B3GLCT: variants seen among roughly 807,000 people sequenced by gnomAD.
B3GLCT encodes beta-1,3-glucosyltransferase.
B3GLCT carries 65 observed loss-of-function variants against 63.4 expected under a neutral mutation model. The observed-to-expected ratio is 1.03, with a 90% CI of 0.84 to 1.26. The LOEUF is 1.26. Ranked by LOEUF, B3GLCT falls within the 50% of genes most tolerant of loss-of-function variation. The probability of loss-of-function intolerance (pLI) is 0.00; values close to 1 mark genes in which losing one functional copy is unlikely to be tolerated. For synonymous variants in B3GLCT, 233 were observed against 219.2 expected, an observed-to-expected ratio of 1.06 and a Z score of -0.55; for missense variants, 577 against 604.8, an observed-to-expected ratio of 0.95 and a Z score of 0.48.
At chr13:31,324,713 CTTATTTATTTATTT>C (rs958094327) in intron 14 of B3GLCT, among the ~76,000 whole-genome samples, 10 of 151,722 alleles carry the variant, frequency 6.6e-5, no homozygotes, top group African/African-American at 9.7e-5. Context: ...TTTTTTATGC[CTTATTTATTTATTT>C]TTATTTATTT....
intron 12 of B3GLCT, among the ~76,000 whole-genome samples, chr13:31,294,313 T>A (rs538405601): frequency 6.6e-6 from 1 of 152,332 alleles, no homozygotes; most frequent in South Asian, 2.1e-4. Flanking sequence ...CTGATGAGTA[T>A]CTTTGTGGTG....
intron 4 of B3GLCT, among the ~76,000 whole-genome samples, chr13:31,241,362 G>A (rs1242944487): frequency 6.6e-6 from 1 of 152,202 alleles, no homozygotes; most frequent in African/African-American, 2.4e-5. Flanking sequence ...CCTCCTCTGG[G>A]TGTCTAGTGG....
At chr13:31,233,353 A>G (rs558968984) in intron 4 of B3GLCT, among the ~76,000 whole-genome samples, 1 of 152,330 alleles carries the variant, frequency 6.6e-6, no homozygotes, top group African/African-American at 2.4e-5. Flanking sequence ...AAAAAGAACC[A>G]GAAGATTCAC....
At chr13:31,241,590 T>C (rs1870945311) in intron 4 of B3GLCT, among the ~76,000 whole-genome samples, 1 of 152,196 alleles carries the variant, frequency 6.6e-6, no homozygotes, top group East Asian at 1.9e-4. Context: ...TTCCACTGGT[T>C]GAGTTGCTGT....
intron 13 of B3GLCT, among the ~76,000 whole-genome samples, chr13:31,320,401 C>G (rs1875275898): frequency 6.6e-6 from 1 of 152,136 alleles, no homozygotes; most frequent in South Asian, 2.1e-4. Context: ...AAAGTTTTGT[C>G]TTCTACCCAC....
At chr13:31,278,857 C>T (rs553428911) in intron 10 of B3GLCT, among the ~76,000 whole-genome samples, 1 of 152,290 alleles carries the variant, frequency 6.6e-6, no homozygotes, top group Admixed American at 6.5e-5. Flanking sequence ...GTTGACACTT[C>T]CTCGTGATAT....
chr13:31,289,431 A>C (rs1238945527), intron 12 of B3GLCT, among the ~76,000 whole-genome samples: 1 of 152,122 alleles, frequency 6.6e-6, no homozygotes, highest in Non-Finnish European at 1.5e-5. Context: ...AAAGGACTTC[A>C]CATGGCATAT....
intron 7 of B3GLCT, among the ~76,000 whole-genome samples, chr13:31,264,309 A>C (rs1039831583): frequency 1.3e-5 from 2 of 152,202 alleles, no homozygotes; most frequent in African/African-American, 2.4e-5. Context: ...GGAAATTCCC[A>C]GCACTTCCCC....
chr13:31,238,396 C>T (rs1870760529), intron 4 of B3GLCT, among the ~76,000 whole-genome samples: 1 of 152,156 alleles, frequency 6.6e-6, no homozygotes, highest in African/African-American at 2.4e-5. Flanking sequence ...ATTTCCATCT[C>T]CAGTTTTGAA....
At chr13:31,225,923 G>A (rs1046227885) in intron 3 of B3GLCT, among the ~76,000 whole-genome samples, 7 of 152,090 alleles carry the variant, frequency 4.6e-5, no homozygotes, top group Non-Finnish European at 7.4e-5. Context: ...TTGTCTTAAC[G>A]GATCTGCCTC....
intron 2 of B3GLCT, among the ~76,000 whole-genome samples, chr13:31,219,949 CTG>C (rs1869739120): frequency 6.6e-6 from 1 of 152,196 alleles, no homozygotes; most frequent in Non-Finnish European, 1.5e-5. Flanking sequence ...TGTGCAGACC[CTG>C]TGCTCAGCAT....
intron 13 of B3GLCT, among the ~76,000 whole-genome samples, chr13:31,320,737 C>T (rs1156575848): frequency 6.6e-6 from 1 of 152,188 alleles, no homozygotes; most frequent in African/African-American, 2.4e-5. Context: ...TCCATCTACA[C>T]CCTTATCTTA....
At chr13:31,324,485 T>G (rs1385292954) in intron 14 of B3GLCT, among the ~76,000 whole-genome samples, 3 of 152,178 alleles carry the variant, frequency 2.0e-5, no homozygotes, top group Non-Finnish European at 4.4e-5. Flanking sequence ...TATTGCAGTT[T>G]GGGGGTTGGA....
intron 4 of B3GLCT, among the ~76,000 whole-genome samples, chr13:31,231,408 C>A (rs1870374939): frequency 6.6e-6 from 1 of 152,164 alleles, no homozygotes; most frequent in South Asian, 2.1e-4. Flanking sequence ...TTTCTTTTTG[C>A]AGATACAGAT....
At chr13:31,272,801 C>T (rs997497858) in intron 8 of B3GLCT, among the ~76,000 whole-genome samples, 1 of 152,094 alleles carries the variant, frequency 6.6e-6, no homozygotes, top group Non-Finnish European at 1.5e-5. Context: ...TAGATATTGT[C>T]ATTATTTTAT....
At chr13:31,269,168 G>T (rs1293711422) in intron 7 of B3GLCT, 46 bp from the exon 8 acceptor site, 1 of 1,304,580 alleles carries the variant, frequency 7.7e-7, no homozygotes, top group South Asian at 1.2e-5. Context: ...AGTCTTGCTT[G>T]ACACTTCTTT....
rs548678321 is a variant in B3GLCT at position 31,272,364 on chromosome 13, G to A, written c.661-2145G>A. Among the ~76,000 whole-genome samples the A allele has an allele frequency of 6.6e-5, 10 of 151,806 alleles. No homozygotes were observed. In the South Asian group the frequency reaches 1.2e-3, roughly 19 times the overall value. On this transcript the variant is annotated intron_variant, in intron 8 of 14. Transcript: ENST00000343307. Reference sequence around the variant, plus strand: ...TGATTAGCTGGGATTACAGGTGCCCGCCACCATGCCCGGCTAATTTTTTTT... The same window carrying A: ...TGATTAGCTGGGATTACAGGTGCCCACCACCATGCCCGGCTAATTTTTTTT...
Position 31,286,635 on chromosome 13 carries a change from C to T in B3GLCT, c.965-85C>T. 4.1e-6 allele frequency: 4 copies of T among 985,664 alleles called. No homozygotes were observed. The South Asian group carries it at 6.3e-5, about 16-fold the overall frequency. 61.1% of individuals were successfully genotyped at this position (985,664 alleles called of 1,614,324 possible). A position where few individuals can be genotyped will look rare whatever the true frequency, so the allele number is the denominator to read the frequency against. On this transcript the variant is annotated intron_variant, in intron 11 of 14. Transcript: ENST00000343307. ...CATTTTGGCATGTAAGCTCTTAGAA[C>T]ACTTCAAAACTAAAAAGAAATGAAC...
chr13:31,302,034 TA>T (rs1276647717), intron 12 of B3GLCT, among the ~76,000 whole-genome samples: 1 of 152,184 alleles, frequency 6.6e-6, no homozygotes, highest in African/African-American at 2.4e-5. Context: ...ACAAACCATT[TA>T]AAAATTTCCA....
Sources: allele counts gnomAD v4.1 joint callset (sites outside exome capture counted in the v4.1 genomes callset), GRCh38; gene constraint gnomAD v4.1.1; transcripts MANE v1.5; gene names NCBI Gene and HGNC (gene_info 2026-07-23, HGNC 2026-07-21).